CLVS1: variants seen among roughly 807,000 people sequenced by gnomAD.
The protein encoded by CLVS1 is clavesin 1, also known as clavesin-1.
In CLVS1, 10 loss-of-function variants were observed where a neutral mutation model predicts 33.1. The observed-to-expected ratio is 0.30, with a 90% CI of 0.19 to 0.51. The LOEUF is 0.51. Ranked by LOEUF, CLVS1 falls within the 20% of genes least tolerant of loss-of-function variation. The pLI is 0.97. For missense variants in CLVS1, 343 were observed against 433.4 expected (o/e 0.79, Z 1.85); for synonymous variants, 163 against 166.1 (o/e 0.98, Z 0.14).
At chr8:61,313,973 G>A (rs1810928360) in intron 2 of CLVS1, among the ~76,000 whole-genome samples, 1 of 152,116 alleles carries the variant, frequency 6.6e-6, no homozygotes, top group South Asian at 2.1e-4. Flanking sequence ...TTGAGCTCCG[G>A]GTGCCAACTT....
chr8:61,158,961 G>T (rs897447635), intron 2 of CLVS1, among the ~76,000 whole-genome samples: 3 of 152,182 alleles, frequency 2.0e-5, no homozygotes, highest in African/African-American at 7.2e-5. Flanking sequence ...AGAGTAGCTA[G>T]GACTACAGGC....
the CLVS1 span, among the ~76,000 whole-genome samples, chr8:60,976,436 C>G: frequency 6.6e-6 from 1 of 151,964 alleles, no homozygotes; most frequent in African/African-American, 2.4e-5. Flanking sequence ...TGGCTCACTG[C>G]AGCCTCCACC....
chr8:61,168,883 A>G (rs1255373465), intron 2 of CLVS1, among the ~76,000 whole-genome samples: 1 of 152,220 alleles, frequency 6.6e-6, no homozygotes, highest in East Asian at 1.9e-4. Flanking sequence ...AAATATTCTC[A>G]GCTGACTGCC....
At chr8:61,319,409 A>T (rs1203435051) in intron 2 of CLVS1, among the ~76,000 whole-genome samples, 1 of 152,178 alleles carries the variant, frequency 6.6e-6, no homozygotes, top group Non-Finnish European at 1.5e-5. Context: ...TGAAAGCCCC[A>T]TTCTGTGTCA....
intron 2 of CLVS1, among the ~76,000 whole-genome samples, chr8:61,339,736 AGAGAAAGAGAGAAGGAGGGAGG>A (rs1276451452): frequency 5.3e-5 from 8 of 150,116 alleles, no homozygotes; most frequent in Non-Finnish European, 8.8e-5. Context: ...AAGGAGGGAG[AGAGAAAGAGAGAAGGAGGGAGG>A]GAGAAAGAGA....
chr8:61,153,653 A>G (rs1806590304), intron 2 of CLVS1, among the ~76,000 whole-genome samples: 1 of 152,152 alleles, frequency 6.6e-6, no homozygotes, highest in Non-Finnish European at 1.5e-5. Flanking sequence ...GCCCACACTC[A>G]GGGCTCTGAG....
intron 2 of CLVS1, among the ~76,000 whole-genome samples, chr8:61,147,285 CA>C (rs1303760751): frequency 2.0e-5 from 3 of 152,160 alleles, no homozygotes; most frequent in African/African-American, 4.8e-5. Context: ...AAGCCTCACT[CA>C]ATGAAACAGA....
At chr8:61,387,545 A>G (rs772217492) in intron 3 of CLVS1, among the ~76,000 whole-genome samples, 3 of 124,330 alleles carry the variant, frequency 2.4e-5, no homozygotes, top group Non-Finnish European at 3.2e-5. Flanking sequence ...TAAGTTCTTT[A>G]GTGGTGATTT....
the CLVS1 span, among the ~76,000 whole-genome samples, chr8:61,020,474 C>T: frequency 6.6e-6 from 1 of 152,130 alleles, no homozygotes; most frequent in African/African-American, 2.4e-5. Context: ...CAGCTTAGCC[C>T]CTGAGAGGGA....
chr8:61,082,931 G>C (rs1030664223), intron 1 of CLVS1, among the ~76,000 whole-genome samples: 4 of 152,090 alleles, frequency 2.6e-5, no homozygotes, highest in Non-Finnish European at 4.4e-5. Flanking sequence ...CAGCTACTAA[G>C]GAGGGTGAGA....
chr8:61,411,468 G>C (rs1271770297), intron 3 of CLVS1, among the ~76,000 whole-genome samples: 1 of 152,166 alleles, frequency 6.6e-6, no homozygotes, highest in Non-Finnish European at 1.5e-5. Context: ...AGAAGAGACT[G>C]CAGGAGCAGA....
the CLVS1 span, among the ~76,000 whole-genome samples, chr8:61,003,556 G>A: frequency 6.6e-6 from 1 of 152,188 alleles, no homozygotes; most frequent in Admixed American, 6.5e-5. Flanking sequence ...CAGTTTGTTA[G>A]TCACAGAATT....
chr8:61,403,831 A>G (rs773531705), intron 3 of CLVS1, among the ~76,000 whole-genome samples: 3 of 152,194 alleles, frequency 2.0e-5, no homozygotes, highest in Non-Finnish European at 1.5e-5. Flanking sequence ...CCACGAAAAC[A>G]TGTAGAAAGG....
chr8:61,304,452 A>G (rs1352806910), intron 2 of CLVS1, among the ~76,000 whole-genome samples: 1 of 152,222 alleles, frequency 6.6e-6, no homozygotes, highest in Admixed American at 6.5e-5. Flanking sequence ...AGGCCGAACC[A>G]AAACCAGATG....
intron 2 of CLVS1, among the ~76,000 whole-genome samples, chr8:61,263,890 G>A (rs11995293): frequency 0.15 from 22,837 of 152,122 alleles, 3,602 homozygotes; most frequent in African/African-American, 0.4. Flanking sequence ...AAACTGCAAC[G>A]TGTTCCTTTC....
At chr8:61,486,123 A>AAATG (rs1430769893) in intron 5 of CLVS1, among the ~76,000 whole-genome samples, 1 of 151,672 alleles carries the variant, frequency 6.6e-6, no homozygotes, top group African/African-American at 2.4e-5. Flanking sequence ...ATAAATAAAT[A>AAATG]AATAAAATAA....
chr8:61,191,474 A>T (rs1053322392), intron 2 of CLVS1, among the ~76,000 whole-genome samples: 1 of 152,194 alleles, frequency 6.6e-6, no homozygotes, highest in African/African-American at 2.4e-5. Context: ...CAAGACAGGG[A>T]TGTGCTCTCT....
At chr8:60,987,819 C>A in the CLVS1 span, among the ~76,000 whole-genome samples, 1 of 152,118 alleles carries the variant, frequency 6.6e-6, no homozygotes. Context: ...GTAGTCCCAG[C>A]TACTCAGAGG....
At chr8:61,094,059 C>A (rs952941702) in intron 1 of CLVS1, among the ~76,000 whole-genome samples, 3 of 152,184 alleles carry the variant, frequency 2.0e-5, no homozygotes, top group Non-Finnish European at 4.4e-5. Flanking sequence ...CACAGCCAGG[C>A]GCTTGTTTGA....
Sources: allele counts gnomAD v4.1 joint callset (sites outside exome capture counted in the v4.1 genomes callset), GRCh38; gene constraint gnomAD v4.1.1; transcripts MANE v1.5; gene names NCBI Gene and HGNC (gene_info 2026-07-23, HGNC 2026-07-21).